Variants in PIGH observed in about 807,000 individuals in gnomAD.
PIGH encodes phosphatidylinositol glycan anchor biosynthesis class H, also known as phosphatidylinositol N-acetylglucosaminyltransferase subunit H.
PIGH carries 11 observed loss-of-function variants against 20.1 expected under a neutral mutation model. The observed-to-expected ratio is 0.55, with a 90% CI of 0.34 to 0.91. The LOEUF (loss-of-function observed/expected upper bound fraction) is 0.91. Among genes scored for constraint, PIGH ranks in the 40% least tolerant of loss-of-function variants. The pLI is 0.02. For synonymous variants in PIGH, 72 were observed against 93.1 expected (o/e 0.77, Z 1.31); for missense variants, 189 against 233.6 (o/e 0.81, Z 1.24).
intron 3 of PIGH, chr14:67,592,345 CAGG>C (rs2036388049): frequency 2.3e-6 from 1 of 441,278 alleles, no homozygotes; most frequent in African/African-American, 2.0e-5. Flanking sequence ...GAGGCTGAGG[CAGG>C]AGGATTTCTT....
intron 1 of PIGH, among the ~76,000 whole-genome samples, chr14:67,596,518 T>A (rs1238971582): frequency 6.6e-6 from 1 of 152,066 alleles, no homozygotes; most frequent in African/African-American, 2.4e-5. Flanking sequence ...AATTTTGGAC[T>A]GCATTCCTTG....
At chr14:67,597,136 T>C (rs1373347866) in intron 1 of PIGH, among the ~76,000 whole-genome samples, 1 of 152,254 alleles carries the variant, frequency 6.6e-6, no homozygotes, top group South Asian at 2.1e-4. Flanking sequence ...AAGAATATTA[T>C]GAGACAGACC....
intron 1 of PIGH, among the ~76,000 whole-genome samples, chr14:67,598,713 C>CTTTTTTTT (rs10681128): frequency 6.9e-6 from 1 of 144,390 alleles, no homozygotes; most frequent in Non-Finnish European, 1.5e-5. Flanking sequence ...TATGAACAAA[C>CTTTTTTTT]TTTTTTTTTT....
In PIGH at chr14:67,590,100, C is replaced by A; in HGVS notation, c.547G>T (p.Ala183Ser). Residue 183 changes from alanine (A) to serine (S), a missense_variant, in exon 4 of 4, where the codon GCC becomes TCC. Transcript: ENST00000216452. ...SCQEILAHQK[A>S]TSTSP Reference sequence around the variant, plus strand: ...GGGGCTCATGGGCTTGTTGATGTGGCTTTCTGGTGTGCCAGGATCTCCTGG... The same window carrying A: ...GGGGCTCATGGGCTTGTTGATGTGGATTTCTGGTGTGCCAGGATCTCCTGG... The A allele has an allele frequency of 6.4e-7, 1 of 1,550,958 alleles. No individual in the cohort carries two copies. Among genetic ancestry groups the A allele is most frequent in the South Asian group, 1.2e-5 (1 of 84,000 alleles).
rs1275035707 is a variant in PIGH at position 67,589,739 on chromosome 14, AT to A, written c.*340del. The A allele has an allele frequency of 9.8e-7, 1 of 1,016,218 alleles. No homozygotes were observed. The highest frequency in any genetic ancestry group is 1.7e-5 in the African/African-American group (1 of 58,446). The allele number at this position is 1,016,218 out of a possible 1,614,324, so 63.0% of individuals were successfully genotyped here. A position where few individuals can be genotyped will look rare whatever the true frequency, so the allele number is the denominator to read the frequency against. ...TCAAGACATCTGATGTCAGTTTCCC[AT>A]TGTTTTGCTTCACAAACATCAACAA... On this transcript the variant is annotated 3_prime_UTR_variant, in exon 4 of 4. Coordinates refer to ENST00000216452, the MANE Select transcript of PIGH (RefSeq NM_004569.5).
chr14:67,599,956 G>C, intron 1 of PIGH, 68 bp downstream of exon 1: 1 of 1,351,340 alleles, frequency 7.4e-7, no homozygotes, highest in Non-Finnish European at 1.0e-6. Context: ...CTCGACCAAA[G>C]ACCCCAAAGA....
intron 1 of PIGH, among the ~76,000 whole-genome samples, chr14:67,597,555 T>C (rs1247104578): frequency 6.6e-6 from 1 of 152,130 alleles, no homozygotes; most frequent in East Asian, 1.9e-4. Context: ...TGTTGATTGA[T>C]GAATGGAGGA....
At chr14:67,593,538 T>A in intron 2 of PIGH, 3 of 532,078 alleles carry the variant, frequency 5.6e-6, no homozygotes, top group Non-Finnish European at 9.9e-6. Context: ...AAAATGCCAG[T>A]GATAATTTTG....
chr14:67,600,181 G>A lies in PIGH; in HGVS notation c.23C>T (p.Ser8Leu), dbSNP rs760644649. 13 of 1,586,502 alleles carry A rather than the reference G, an allele frequency of 8.2e-6. No homozygotes were observed. The African/African-American group carries it at 1.1e-4, about 13-fold the overall frequency. MEDERSF[S>L]DICGGRLALQ... The stretch of plus-strand genomic sequence containing the variant: ...CGCCAGGCGGCCGCCGCAGATATCC[G>A]AAAAGCTCCGCTCATCCTCCATGAC... Residue 8 changes from serine to leucine, a missense_variant, in exon 1 of 4, where the codon TCG becomes TTG. Physicochemically the swap from Ser to Leu is moderately radical, Grantham distance 145. Coordinates refer to ENST00000216452, the MANE Select transcript of PIGH (RefSeq NM_004569.5).
rs184713520 is a variant in PIGH, at chr14:67,593,396, T to A, written c.390+347A>T. On this transcript the variant is annotated intron_variant, in intron 2 of 3. Transcript: ENST00000216452. ...GTCCCAGCTACTCAGGAGGCTGAGG[T>A]GGGAGAATGGCTTGAGCCTGGGAAG... is the stretch of plus-strand genomic sequence containing the variant. 82 of 254,444 alleles carry A rather than the reference T, an allele frequency of 3.2e-4. No homozygotes were observed. In the East Asian group the frequency reaches 5.3e-3, roughly 16 times the overall value. 15.8% of individuals were successfully genotyped at this position (254,444 alleles called of 1,614,324 possible). A position where few individuals can be genotyped will look rare whatever the true frequency, so the allele number is the denominator to read the frequency against.
At chr14:67,597,347 A>G (rs1004365352) in intron 1 of PIGH, among the ~76,000 whole-genome samples, 2 of 152,134 alleles carry the variant, frequency 1.3e-5, no homozygotes, top group Non-Finnish European at 2.9e-5. Flanking sequence ...GTGTGGTGGC[A>G]CATGCCTGTA....
chr14:67,590,017 A>G lies in PIGH; in HGVS notation c.*63T>C. ...CTGATGGTTTGGAGTACGGAAAACC[A>G]GCCCCTATGGCTTAAGAGTCATCTC... On this transcript the variant is annotated 3_prime_UTR_variant, in exon 4 of 4. Transcript: ENST00000216452. The G allele has an allele frequency of 6.7e-7, 1 of 1,495,056 alleles. No homozygotes were observed. The highest frequency in any genetic ancestry group is 2.5e-5 in the East Asian group (1 of 40,122). 92.6% of individuals were successfully genotyped at this position (1,495,056 alleles called of 1,614,324 possible). A position where few individuals can be genotyped will look rare whatever the true frequency, so the allele number is the denominator to read the frequency against.
At position 67,593,894 on chromosome 14, in the gene PIGH, A is replaced by G; in HGVS notation, c.239T>C (p.Leu80Pro). 2 of 1,613,654 alleles carry G rather than the reference A, an allele frequency of 1.2e-6. No individual in the cohort carries two copies. Among genetic ancestry groups the G allele is most frequent in the South Asian group, 1.1e-5 (1 of 91,060 alleles). Residue 80 changes from leucine to proline, a missense_variant, in exon 2 of 4, where the codon CTC (leucine) becomes CCC (proline). Transcript: ENST00000216452. ...FITLLGLLGY[L>P]HFVKIDQETL... ...CTCCTGATCAATCTTCACAAAATGG[A>G]GATAACCAAGCAGACCTAAGAGGGT...
chr14:67,590,409 C>T (rs952846814), intron 3 of PIGH, among the ~76,000 whole-genome samples: 4 of 152,118 alleles, frequency 2.6e-5, no homozygotes, highest in Admixed American at 6.5e-5. Flanking sequence ...CTCGCCACCA[C>T]GCCCAGTGGC....
rs374704387 is a variant in PIGH at position 67,593,945 on chromosome 14, A to G, written c.188T>C (p.Met63Thr). ...YGLFTLCENS[M>T]ILSAAIFITL... The stretch of plus-strand genomic sequence containing the variant: ...GATGAAGATGGCAGCAGAGAGGATC[A>G]TGCTGTTCTGAAGAGAGAGCCAGAC... The change falls in exon 2 of 4, where the codon ATG (methionine) becomes ACG (threonine). Residue 63 changes from methionine (M) to threonine (T), a missense_variant. Coordinates refer to ENST00000216452, the MANE Select transcript of PIGH (RefSeq NM_004569.5). 3.7e-6 allele frequency: 6 copies of G among 1,608,860 alleles called. No homozygotes were observed. In the African/African-American group the frequency reaches 8.0e-5, roughly 22 times the overall value.
At chr14:67,591,716 G>GAT (rs1053984068) in intron 3 of PIGH, 105 of 152,138 alleles carry the variant, frequency 6.9e-4, no homozygotes, top group African/African-American at 2.3e-3. Flanking sequence ...ATTTTTTGTA[G>GAT]AGATGGGGGT....
At chr14:67,590,413 C>A (rs2036335557) in intron 3 of PIGH, among the ~76,000 whole-genome samples, 2 of 152,108 alleles carry the variant, frequency 1.3e-5, no homozygotes, top group African/African-American at 4.8e-5. Flanking sequence ...CCACCACGCC[C>A]AGTGGCACAA....
chr14:67,599,035 T>C (rs1274714270), intron 1 of PIGH, among the ~76,000 whole-genome samples: 1 of 152,186 alleles, frequency 6.6e-6, no homozygotes. Context: ...TTTAGATAGT[T>C]AGATAGTTTC....
chr14:67,600,176 T>G lies in PIGH; in HGVS notation c.28A>C (p.Ile10Leu). The G allele has an allele frequency of 6.3e-7, 1 of 1,589,168 alleles. No homozygotes were observed. The highest frequency in any genetic ancestry group is 8.6e-7 in the Non-Finnish European group (1 of 1,168,588). ...TGCAGCGCCAGGCGGCCGCCGCAGA[T>G]ATCCGAAAAGCTCCGCTCATCCTCC... MEDERSFSD[I>L]CGGRLALQRR... Residue 10 changes from isoleucine to leucine, a missense_variant, in exon 1 of 4, where the codon ATC becomes CTC. Physicochemically the swap from Ile to Leu is conservative, Grantham distance 5. Coordinates refer to ENST00000216452, the MANE Select transcript of PIGH (RefSeq NM_004569.5).
Sources: gnomAD v4.1 joint callset for allele counts (sites outside exome capture counted in the v4.1 genomes callset) on GRCh38, gnomAD v4.1.1 for gene constraint, MANE v1.5 for transcripts, NCBI Gene and HGNC (gene_info 2026-07-23, HGNC 2026-07-21) for gene names.